ZNF638: variants seen among roughly 807,000 people sequenced by gnomAD.
The protein encoded by ZNF638 is zinc finger protein 638.
ZNF638 carries 46 observed loss-of-function variants against 195.6 expected under a neutral mutation model. The ratio of observed to expected loss-of-function variants is 0.24; its 90% CI spans 0.19 to 0.30. The LOEUF is 0.30. ZNF638 is among the 10% of genes least tolerant of loss of function. ZNF638 has a pLI of 1.00. For missense variants in ZNF638, 2,440 were observed against 2,325.3 expected, an observed-to-expected ratio of 1.05 and a Z score of -1.01; for synonymous variants, 845 against 772.0, an observed-to-expected ratio of 1.09 and a Z score of -1.57.
At chr2:71,410,374 T>TGTGTG (rs1558875884) in intron 20 of ZNF638, among the ~76,000 whole-genome samples, 2 of 139,866 alleles carry the variant, frequency 1.4e-5, no homozygotes, top group African/African-American at 5.6e-5. Context: ...TTTTGATTTT[T>TGTGTG]TTTTTGTGTG....
intron 21 of ZNF638, among the ~76,000 whole-genome samples, chr2:71,420,400 A>G (rs1045445339): frequency 6.6e-6 from 1 of 152,228 alleles, no homozygotes; most frequent in Non-Finnish European, 1.5e-5. Flanking sequence ...AAAGCCACAA[A>G]TAAGAATGCT....
chr2:71,388,628 G>A (rs560040440), intron 10 of ZNF638: 30 of 822,446 alleles, frequency 3.6e-5, no homozygotes, highest in East Asian at 2.4e-5. Context: ...GCCAGAGTCG[G>A]TGGATCAGAC....
At chr2:71,355,299 A>G (rs1191410272) in intron 2 of ZNF638, among the ~76,000 whole-genome samples, 1 of 152,084 alleles carries the variant, frequency 6.6e-6, no homozygotes, top group Non-Finnish European at 1.5e-5. Context: ...TTTTAGAGGT[A>G]TTTGTCATTG....
At chr2:71,351,554 T>A (rs11904616) in intron 2 of ZNF638, among the ~76,000 whole-genome samples, 1 of 152,118 alleles carries the variant, frequency 6.6e-6, no homozygotes, top group South Asian at 2.1e-4. Flanking sequence ...ACCACATAAT[T>A]TTTTTTAATT....
In ZNF638 at chr2:71,430,075, G is replaced by C. The variant is rs370180363; in HGVS notation, c.5651-1252G>C. On this transcript the variant is annotated intron_variant, in intron 25 of 27. Transcript: ENST00000264447. The stretch of plus-strand genomic sequence containing the variant: ...CTGAGTAATATAAAAGGATGATTTA[G>C]TTACTGCTTACGTAACAATATATTT... 1.7e-4 allele frequency among the ~76,000 whole-genome samples: 26 copies of C among 152,294 alleles called. 1 individual carries two copies. The East Asian group carries it at 4.2e-3, about 25-fold the overall frequency.
chr2:71,427,934 G>A (rs1424745904), intron 24 of ZNF638, among the ~76,000 whole-genome samples: 2 of 152,266 alleles, frequency 1.3e-5, no homozygotes, highest in African/African-American at 4.8e-5. Flanking sequence ...GCTCACTCCC[G>A]TAATCTCAGC....
intron 5 of ZNF638, 77 bp downstream of exon 5, chr2:71,364,329 G>A (rs2079159327): frequency 1.4e-6 from 2 of 1,423,400 alleles, no homozygotes; most frequent in Admixed American, 2.3e-5. Flanking sequence ...TGGATTTTGA[G>A]AAATGTTCTA....
Position 71,348,881 on chromosome 2 carries a change from A to G in ZNF638, c.-74A>G. On this transcript the variant is annotated 5_prime_UTR_variant, in exon 2 of 28. Transcript: ENST00000264447. ...ATTAAGACTCAGTTGGCGCTTCAGC[A>G]GCTGAATGCCGTTGCCTCACATGGT... 6.2e-7 allele frequency: 1 copy of G among 1,613,694 alleles called. No individual in the cohort carries two copies. Among genetic ancestry groups the G allele is most frequent in the East Asian group, 2.2e-5 (1 of 44,878 alleles).
intron 1 of ZNF638, among the ~76,000 whole-genome samples, chr2:71,342,157 G>A (rs1006690560): frequency 7.2e-6 from 1 of 139,062 alleles, no homozygotes; most frequent in Non-Finnish European, 1.5e-5. Flanking sequence ...GGAGGTGGAG[G>A]TTTCAGTGAG....
intron 1 of ZNF638, among the ~76,000 whole-genome samples, chr2:71,345,506 C>A (rs933678704): frequency 6.6e-6 from 1 of 152,162 alleles, no homozygotes; most frequent in African/African-American, 2.4e-5. Context: ...GTCCTACCAC[C>A]TCAGCCTCCT....
At chr2:71,372,550 T>A (rs537115327) in intron 8 of ZNF638, among the ~76,000 whole-genome samples, 1 of 152,348 alleles carries the variant, frequency 6.6e-6, no homozygotes, top group African/African-American at 2.4e-5. Context: ...AGGCTGTCTC[T>A]GCTACCCTCG....
intron 3 of ZNF638, among the ~76,000 whole-genome samples, chr2:71,360,421 A>G (rs2079089067): frequency 6.6e-6 from 1 of 152,164 alleles, no homozygotes; most frequent in Non-Finnish European, 1.5e-5. Context: ...TATATAAGCC[A>G]AATTCATATT....
chr2:71,424,405 T>C (rs2152603766), intron 22 of ZNF638, among the ~76,000 whole-genome samples: 1 of 152,302 alleles, frequency 6.6e-6, no homozygotes, highest in East Asian at 1.9e-4. Context: ...AGGTCACTGA[T>C]TGCCTAACTA....
At chr2:71,377,185 A>C (rs376852621) in intron 8 of ZNF638, among the ~76,000 whole-genome samples, 1 of 152,038 alleles carries the variant, frequency 6.6e-6, no homozygotes, top group East Asian at 1.9e-4. Flanking sequence ...GGATCGCTTG[A>C]GCCTGGGAGG....
chr2:71,370,477 C>CT (rs1290059607), intron 8 of ZNF638, among the ~76,000 whole-genome samples: 1 of 152,082 alleles, frequency 6.6e-6, no homozygotes, highest in Admixed American at 6.6e-5. Flanking sequence ...AGTTTTGTAA[C>CT]TTTAATTTTT....
At chr2:71,339,150 GT>G (rs35822775) in intron 1 of ZNF638, among the ~76,000 whole-genome samples, 80,996 of 130,074 alleles carry the variant, frequency 0.62, 24,641 homozygotes, top group East Asian at 0.83. Flanking sequence ...GTCGGTTTAG[GT>G]TTTTTTTTTT....
At position 71,402,005 on chromosome 2, in the gene ZNF638, G is replaced by T. The variant is rs1558870706; in HGVS notation, c.2747G>T (p.Gly916Val). 2.5e-6 allele frequency: 4 copies of T among 1,605,626 alleles called. No individual in the cohort carries two copies. The highest frequency in any genetic ancestry group is 3.4e-6 in the Non-Finnish European group (4 of 1,174,854). Reference protein sequence around the residue: ...VMLVSNLPNKGYSVEEVYDLA... With the variant: ...VMLVSNLPNKVYSVEEVYDLA... ...CTTGTCTCTAATTTGCCTAATAAAGGATATTCTGTAGAAGAAGTTTATGAC... is the reference window on the plus strand; with the variant it reads ...CTTGTCTCTAATTTGCCTAATAAAGTATATTCTGTAGAAGAAGTTTATGAC... Residue 916 changes from glycine to valine, a missense_variant, in exon 16 of 28, where the codon GGA becomes GTA. Transcript: ENST00000264447.
Position 71,421,727 on chromosome 2 carries a change from T to C in ZNF638, c.3300-1087T>C, listed in dbSNP as rs189354811. Reference sequence around the variant, plus strand: ...ACTTTTTAATAATCAGGTATTGATATGATAGGATCACTCTCTGGTGTCTTT... The same window carrying C: ...ACTTTTTAATAATCAGGTATTGATACGATAGGATCACTCTCTGGTGTCTTT... On this transcript the variant is annotated intron_variant, in intron 21 of 27. Transcript: ENST00000264447. 9.5e-4 allele frequency among the ~76,000 whole-genome samples: 144 copies of C among 152,316 alleles called. 2 individuals are homozygous for C. The East Asian group carries it at 0.024, about 26-fold the overall frequency.
Position 71,369,981 on chromosome 2 carries a change from T to G in ZNF638, c.2241T>G (p.Cys747Trp). The change falls in exon 8 of 28, where the codon TGT (cysteine) becomes TGG (tryptophan). Residue 747 changes from cysteine (C) to tryptophan (W), a missense_variant. This residue lies in a region of ZNF638 where 1,883 missense variants were observed against 1,739.1 expected (regional missense o/e 1.08). Transcript: ENST00000264447. ...LTIKGKSVKI[C>W]VPGKKKAQNK... The stretch of plus-strand genomic sequence containing the variant: ...TAAAAGGAAAAAGTGTGAAAATATG[T>G]GTTCCAGGAAAGAAAAAAGCACAGG... 6.3e-7 allele frequency: 1 copy of G among 1,597,490 alleles called. No homozygotes were observed. The highest frequency in any genetic ancestry group is 8.5e-7 in the Non-Finnish European group (1 of 1,175,494).
Sources: gnomAD v4.1 joint callset for allele counts (sites outside exome capture counted in the v4.1 genomes callset) on GRCh38, gnomAD v4.1.1 for gene constraint, gnomAD v4.1.1 regional missense constraint, MANE v1.5 for transcripts, NCBI Gene and HGNC (gene_info 2026-07-23, HGNC 2026-07-21) for gene names.